PARL: variants seen among roughly 807,000 people sequenced by gnomAD.
The protein encoded by PARL is presenilin associated rhomboid like.
In PARL, 44 loss-of-function variants were observed where a neutral mutation model predicts 51.6. That is an observed-to-expected ratio of 0.85 (90% confidence interval 0.67 to 1.10). The LOEUF (loss-of-function observed/expected upper bound fraction) is 1.10. PARL is among the 50% of genes least tolerant of loss of function. PARL has a pLI of 0.00. For missense variants in PARL, 441 were observed against 469.5 expected, an observed-to-expected ratio of 0.94 and a Z score of 0.56; for synonymous variants, 172 against 164.0, an observed-to-expected ratio of 1.05 and a Z score of -0.37.
chr3:183,834,993 A>G (rs936530199), intron 7 of PARL, among the ~76,000 whole-genome samples: 2 of 151,850 alleles, frequency 1.3e-5, no homozygotes, highest in African/African-American at 4.8e-5. Context: ...CGGGAGGCAG[A>G]GGTTGCAGTG....
rs1560362767 is a variant in PARL at position 183,829,612 on chromosome 3, C to T, written c.1126G>A (p.Gly376Ser). The T allele has an allele frequency of 6.2e-7, 1 of 1,614,158 alleles. No individual in the cohort carries two copies. Among genetic ancestry groups the T allele is most frequent in the Non-Finnish European group, 8.5e-7 (1 of 1,180,032 alleles). Residue 376 changes from glycine (G) to serine (S), a missense_variant, in exon 10 of 10, where the codon GGT becomes AGT. Physicochemically the swap from Gly to Ser is moderately conservative, Grantham distance 56. Coordinates refer to ENST00000317096, the MANE Select transcript of PARL (RefSeq NM_018622.7). ...CAATCCCAGTTTTACTTAGAGCCAC[C>T]TCCTTTTTTGGGGCCATTAGTCCTT... Reference protein sequence around the residue: ...EIRTNGPKKGGGSK With the variant: ...EIRTNGPKKGSGSK
At chr3:183,826,991 ACAAGG>A (rs1727461044), downstream of PARL, among the ~76,000 whole-genome samples, 1 of 152,108 alleles carries the variant, frequency 6.6e-6, no homozygotes, top group Non-Finnish European at 1.5e-5. Flanking sequence ...AATTGAACTG[ACAAGG>A]CCAGGTCAGC....
chr3:183,836,257 GTTC>G (rs1239268736), intron 7 of PARL, among the ~76,000 whole-genome samples: 1 of 142,434 alleles, frequency 7.0e-6, no homozygotes, highest in African/African-American at 2.6e-5. Context: ...ATTCTATGAA[GTTC>G]TTCTAAACTA....
chr3:183,863,137 CACAGAT>C (rs1732035166), intron 3 of PARL, among the ~76,000 whole-genome samples: 2 of 152,136 alleles, frequency 1.3e-5, no homozygotes, highest in African/African-American at 2.4e-5. Flanking sequence ...CTAGCACACT[CACAGAT>C]ACAGACAGGT....
intron 1 of PARL, among the ~76,000 whole-genome samples, chr3:183,873,429 C>T (rs1733441837): frequency 6.6e-6 from 1 of 152,076 alleles, no homozygotes. Flanking sequence ...ATCCCAGCTA[C>T]TCAGGAAGCT....
chr3:183,846,726 C>T (rs968339349), intron 4 of PARL: 1 of 462,354 alleles, frequency 2.2e-6, no homozygotes, highest in Middle Eastern at 1.1e-3. Flanking sequence ...CAGACACATC[C>T]CATATATGTA....
downstream of PARL, chr3:183,826,554 A>G: frequency 1.0e-6 from 1 of 961,866 alleles, no homozygotes; most frequent in Admixed American, 6.2e-5. Context: ...CTGGGAGGGG[A>G]CTGCAGCACA....
chr3:183,863,361 G>A (rs1732062443), intron 3 of PARL, among the ~76,000 whole-genome samples: 1 of 151,874 alleles, frequency 6.6e-6, no homozygotes, highest in African/African-American at 2.4e-5. Flanking sequence ...GGTGGAAAGG[G>A]AAGGGAAAAA....
chr3:183,838,635 G>C (rs1354695079), intron 7 of PARL, among the ~76,000 whole-genome samples: 2 of 152,112 alleles, frequency 1.3e-5, no homozygotes, highest in Non-Finnish European at 2.9e-5. Context: ...GAAATAGATG[G>C]TGTTATCCCC....
chr3:183,849,819 AT>A (rs1395057880), intron 4 of PARL, among the ~76,000 whole-genome samples: 2 of 152,192 alleles, frequency 1.3e-5, no homozygotes, highest in Non-Finnish European at 2.9e-5. Context: ...AAAAATAAAA[AT>A]AAAAACAAAT....
chr3:183,844,535 A>C (rs1577310402), intron 4 of PARL: 2 of 529,236 alleles, frequency 3.8e-6, no homozygotes, highest in African/African-American at 3.8e-5. Flanking sequence ...AATTCCTGGG[A>C]AATTGTAAAT....
intron 3 of PARL, among the ~76,000 whole-genome samples, chr3:183,863,063 T>C (rs1732026054): frequency 6.6e-6 from 1 of 152,064 alleles, no homozygotes; most frequent in African/African-American, 2.4e-5. Flanking sequence ...TCTTGACACA[T>C]GAAATGGGAC....
At chr3:183,871,663 T>C (rs1026108580) in intron 1 of PARL, among the ~76,000 whole-genome samples, 4 of 152,200 alleles carry the variant, frequency 2.6e-5, no homozygotes, top group East Asian at 1.9e-4. Flanking sequence ...TGCTAAGAAG[T>C]TGACAGACAC....
intron 1 of PARL, among the ~76,000 whole-genome samples, chr3:183,868,292 ACTTT>A (rs1732769862): frequency 6.6e-6 from 1 of 152,208 alleles, no homozygotes; most frequent in African/African-American, 2.4e-5. Context: ...TTGGGCTATT[ACTTT>A]CTATCAGTCA....
chr3:183,862,468 T>C, intron 4 of PARL: 1 of 374,788 alleles, frequency 2.7e-6, no homozygotes. Flanking sequence ...GTTTCTTTAA[T>C]AAGGGAAGTA....
chr3:183,862,959 C>G (rs1251196635), intron 3 of PARL, among the ~76,000 whole-genome samples, 158 bp from the exon 4 acceptor site: 1 of 152,130 alleles, frequency 6.6e-6, no homozygotes, highest in East Asian at 1.9e-4. Context: ...GTGGAAAAGG[C>G]ACATGTTTTA....
chr3:183,883,677 G>A, intron 1 of PARL: 4 of 984,970 alleles, frequency 4.1e-6, no homozygotes, highest in Non-Finnish European at 4.8e-6. Flanking sequence ...ATTAGTGCCT[G>A]ACAGATCTAT....
chr3:183,868,030 T>G lies in PARL; in HGVS notation c.156A>C (p.Gly52=), dbSNP rs765027346. The G allele has an allele frequency of 6.2e-7, 1 of 1,614,164 alleles. No homozygotes were observed. Residue 52 remains glycine, a synonymous_variant, in exon 2 of 10, where the codon GGA becomes GGC. Transcript: ENST00000317096. ...CAACCTTCCTGGGTGCTTTTCTGAA[T>G]CCGCATTTTTGTTGAATAAAGAAGT... The part of the protein sequence containing the change: ...RFNFFIQQKC[G]FRKAPRKVEP...
chr3:183,852,113 T>C (rs1219001429), intron 4 of PARL, among the ~76,000 whole-genome samples: 1 of 152,132 alleles, frequency 6.6e-6, no homozygotes, highest in African/African-American at 2.4e-5. Context: ...GCCATGTTCA[T>C]ACAACTGCAC....
Sources: allele counts gnomAD v4.1 joint callset (sites outside exome capture counted in the v4.1 genomes callset), GRCh38; gene constraint gnomAD v4.1.1; transcripts MANE v1.5; gene names NCBI Gene and HGNC (gene_info 2026-07-23, HGNC 2026-07-21).